RELN: variants seen among roughly 807,000 people sequenced by gnomAD.
RELN encodes the protein reelin.
In RELN, 108 loss-of-function variants were observed where a neutral mutation model predicts 427.6. The ratio of observed to expected loss-of-function variants is 0.25; its 90% confidence interval spans 0.22 to 0.30. RELN has a LOEUF of 0.30. RELN is among the 10% of genes least tolerant of loss of function. The probability of loss-of-function intolerance (pLI) is 1.00; values close to 1 mark genes in which losing one functional copy is unlikely to be tolerated. For missense variants in RELN, 3,715 were observed against 4,302.8 expected (o/e 0.86, Z 3.82); for synonymous variants, 1,524 against 1,513.4 (o/e 1.01, Z -0.16).
chr7:103,917,519 C>T (rs1336591869), intron 1 of RELN, among the ~76,000 whole-genome samples: 3 of 150,264 alleles, frequency 2.0e-5, no homozygotes, highest in Non-Finnish European at 4.4e-5. Context: ...CAGTCAAAGG[C>T]ATTGCTGGAG....
intron 20 of RELN, among the ~76,000 whole-genome samples, chr7:103,617,458 CATG>C (rs1231211885): frequency 6.6e-6 from 1 of 150,776 alleles, no homozygotes; most frequent in African/African-American, 2.5e-5. Flanking sequence ...AAGCCTAGTT[CATG>C]ATATTTTCAT....
intron 2 of RELN, among the ~76,000 whole-genome samples, chr7:103,869,556 T>C (rs1167124305): frequency 6.6e-6 from 1 of 152,142 alleles, no homozygotes; most frequent in Non-Finnish European, 1.5e-5. Flanking sequence ...CTTACAGTTT[T>C]ATTTTTCTTT....
At chr7:103,494,489 C>G (rs1393585271) in intron 57 of RELN, among the ~76,000 whole-genome samples, 6 of 151,194 alleles carry the variant, frequency 4.0e-5, no homozygotes, top group Admixed American at 4.0e-4. Flanking sequence ...ATTCTTGTGC[C>G]TCAGCTTCCT....
intron 3 of RELN, among the ~76,000 whole-genome samples, chr7:103,799,856 C>T (rs749946838): frequency 2.6e-5 from 4 of 152,154 alleles, no homozygotes; most frequent in Middle Eastern, 6.8e-3. Context: ...CCTCTCTGTG[C>T]CCCACTAATG....
chr7:103,609,180 G>A (rs1018152020), intron 22 of RELN, among the ~76,000 whole-genome samples: 22 of 144,656 alleles, frequency 1.5e-4, no homozygotes, highest in African/African-American at 5.4e-4. Context: ...CCAAGGTCGC[G>A]CCACTGCACT....
At position 103,650,314 on chromosome 7, in the gene RELN, T is replaced by G. The variant is rs1223624197; in HGVS notation, c.1962A>C (p.Gln654His). The change falls in exon 16 of 65, where the codon CAA becomes CAC. Residue 654 changes from glutamine (Q) to histidine (H), a missense_variant. Coordinates refer to ENST00000428762, the MANE Select transcript of RELN (RefSeq NM_005045.4). The part of the protein sequence containing the change: ...LTRNTRIRWR[Q>H]TGPILGNMWA... ...ACATGTTTCCAAGGATTGGTCCTGTTTGTCTCCAGCGAATCCTGGTGTTCC... is the reference window on the plus strand; with the variant it reads ...ACATGTTTCCAAGGATTGGTCCTGTGTGTCTCCAGCGAATCCTGGTGTTCC... The G allele has an allele frequency of 6.2e-7, 1 of 1,612,804 alleles. No homozygotes were observed. The highest frequency in any genetic ancestry group is 2.2e-5 in the East Asian group (1 of 44,842).
At chr7:103,911,363 G>A (rs995842384) in intron 2 of RELN, among the ~76,000 whole-genome samples, 12 of 149,008 alleles carry the variant, frequency 8.1e-5, no homozygotes, top group Admixed American at 6.7e-4. Flanking sequence ...AACAGGTGCT[G>A]GAGAGGATGT....
intron 2 of RELN, among the ~76,000 whole-genome samples, chr7:103,833,903 C>A (rs1021553307): frequency 6.6e-6 from 1 of 152,044 alleles, no homozygotes; most frequent in African/African-American, 2.4e-5. Context: ...ATTTGCTTTG[C>A]TTTGATTTTG....
intron 19 of RELN, among the ~76,000 whole-genome samples, chr7:103,632,344 C>T (rs1159801396): frequency 2.0e-5 from 3 of 152,192 alleles, no homozygotes; most frequent in Non-Finnish European, 4.4e-5. Flanking sequence ...GTACCCAGAG[C>T]AGTATCTGGC....
intron 4 of RELN, among the ~76,000 whole-genome samples, chr7:103,774,821 G>T (rs1791697985): frequency 6.6e-6 from 1 of 152,090 alleles, no homozygotes; most frequent in Non-Finnish European, 1.5e-5. Flanking sequence ...ATTTCAATGA[G>T]TTAGATGCTA....
At chr7:103,481,592 T>C (rs1033376508) in intron 63 of RELN, among the ~76,000 whole-genome samples, 2 of 152,188 alleles carry the variant, frequency 1.3e-5, no homozygotes, top group Non-Finnish European at 2.9e-5. Flanking sequence ...CATTGGGACA[T>C]TTTTTGATGT....
At chr7:103,665,962 T>A (rs555876898) in intron 11 of RELN, among the ~76,000 whole-genome samples, 1 of 152,202 alleles carries the variant, frequency 6.6e-6, no homozygotes, top group South Asian at 2.1e-4. Context: ...GTATACTAAT[T>A]CTCTCTTCAG....
chr7:103,648,578 A>G (rs1250186394), intron 16 of RELN, among the ~76,000 whole-genome samples: 1 of 152,164 alleles, frequency 6.6e-6, no homozygotes, highest in Non-Finnish European at 1.5e-5. Flanking sequence ...AAACAAAAAC[A>G]AAAAGACAAA....
At position 103,563,275 on chromosome 7, in the gene RELN, A is replaced by G. The variant is rs1401591275; in HGVS notation, c.5211-1322T>C. Among the ~76,000 whole-genome samples, 1 of 152,222 alleles carries G rather than the reference A, an allele frequency of 6.6e-6. No individual in the cohort carries two copies. Among genetic ancestry groups the G allele is most frequent in the African/African-American group, 2.4e-5 (1 of 41,464 alleles). The stretch of plus-strand genomic sequence containing the variant: ...GGACTGCATTTATGACAATGGTCTC[A>G]TAAGATTATAATGGATCTGAAAAAA... On this transcript the variant is annotated intron_variant, in intron 34 of 64. Transcript: ENST00000428762. The surrounding 1 kb of genome is among the most constrained non-coding windows in gnomAD (Gnocchi z 4.1).
intron 2 of RELN, among the ~76,000 whole-genome samples, chr7:103,863,393 C>T (rs542435908): frequency 5.3e-5 from 8 of 152,144 alleles, no homozygotes; most frequent in Admixed American, 1.3e-4. Context: ...GGCCCAGAAA[C>T]ATGAAGTGAT....
intron 6 of RELN, among the ~76,000 whole-genome samples, chr7:103,736,656 A>C (rs954713756): frequency 1.2e-4 from 18 of 152,314 alleles, no homozygotes; most frequent in African/African-American, 3.4e-4. Flanking sequence ...ACTACTGCAC[A>C]CAATATTCTG....
At chr7:103,918,818 G>A (rs1795546897) in intron 1 of RELN, among the ~76,000 whole-genome samples, 2 of 152,104 alleles carry the variant, frequency 1.3e-5, no homozygotes, top group Non-Finnish European at 1.5e-5. Context: ...ATTTAAATAT[G>A]TAAAATGCTT....
At chr7:103,920,649 C>G (rs1795598081) in intron 1 of RELN, among the ~76,000 whole-genome samples, 1 of 149,966 alleles carries the variant, frequency 6.7e-6, no homozygotes, top group African/African-American at 2.5e-5. Flanking sequence ...TCTCAGCTCA[C>G]TGCAGCCTCC....
At chr7:103,917,999 G>T (rs751905063) in intron 1 of RELN, among the ~76,000 whole-genome samples, 3 of 152,056 alleles carry the variant, frequency 2.0e-5, no homozygotes, top group Non-Finnish European at 4.4e-5. Flanking sequence ...CCAAGGGAAG[G>T]TAATAATATT....
Sources: allele counts gnomAD v4.1 joint callset (sites outside exome capture counted in the v4.1 genomes callset), GRCh38; gene constraint gnomAD v4.1.1; non-coding constraint Gnocchi (gnomAD v3.1); transcripts MANE v1.5; gene names NCBI Gene and HGNC (gene_info 2026-07-23, HGNC 2026-07-21).